Variants in ZRANB2 observed in about 807,000 individuals in gnomAD.
ZRANB2 encodes the protein zinc finger Ran-binding domain-containing protein 2.
ZRANB2 carries 19 observed loss-of-function variants against 53.4 expected under a neutral mutation model. The observed-to-expected ratio is 0.36, with a 90% CI of 0.25 to 0.52. The LOEUF (loss-of-function observed/expected upper bound fraction) is 0.52, where lower values mean the gene tolerates loss of function less well. Ranked by LOEUF, ZRANB2 falls within the 20% of genes least tolerant of loss-of-function variation. The pLI, the probability that ZRANB2 is intolerant of heterozygous loss-of-function variation, is 0.93. For synonymous variants in ZRANB2, 145 were observed against 134.8 expected, an observed-to-expected ratio of 1.08 and a Z score of -0.52; for missense variants, 309 against 401.1, an observed-to-expected ratio of 0.77 and a Z score of 1.96.
intron 8 of ZRANB2, among the ~76,000 whole-genome samples, chr1:71,068,737 T>C (rs147778871): frequency 1.9e-3 from 291 of 152,236 alleles, no homozygotes; most frequent in African/African-American, 6.0e-3. Flanking sequence ...TTCTTCCTTT[T>C]AATAATGAAG....
intron 4 of ZRANB2, among the ~76,000 whole-genome samples, chr1:71,075,113 A>T (rs1661677865): frequency 1.3e-5 from 2 of 152,236 alleles, no homozygotes; most frequent in Non-Finnish European, 2.9e-5. Context: ...TGAAACTGTT[A>T]AAAAGATTTT....
chr1:71,069,191 A>C, intron 8 of ZRANB2, 85 bp downstream of exon 8: 2 of 1,141,034 alleles, frequency 1.8e-6, no homozygotes, highest in Non-Finnish European at 2.5e-6. Context: ...GTAGAAGCAA[A>C]ATAAGGGGAA....
chr1:71,081,002 C>T lies in ZRANB2; in HGVS notation c.-7G>A. On this transcript the variant is annotated 5_prime_UTR_variant, in exon 1 of 10. Coordinates refer to ENST00000370920, the MANE Select transcript of ZRANB2 (RefSeq NM_203350.3). ...GGAAATTCTTGGTCGACATCTTGAA[C>T]GCCACCAGCACAGCCACCCGCAGCT... 1 of 1,614,134 alleles carries T rather than the reference C, an allele frequency of 6.2e-7. No individual in the cohort carries two copies. The highest frequency in any genetic ancestry group is 2.2e-5 in the East Asian group (1 of 44,860).
intron 4 of ZRANB2, 87 bp from the exon 5 acceptor site, chr1:71,072,635 A>C (rs1198741448): frequency 5.1e-6 from 5 of 988,332 alleles, no homozygotes; most frequent in Non-Finnish European, 7.7e-6. Context: ...ACAACAAAAA[A>C]CATCTAATCA....
At chr1:71,065,746 C>T (rs1342168423) in intron 9 of ZRANB2, 3 of 1,612,430 alleles carry the variant, frequency 1.9e-6, no homozygotes, top group Non-Finnish European at 2.5e-6. Context: ...TTTCACCAAT[C>T]ACCTGGCTTA....
chr1:71,072,312 AT>A, intron 5 of ZRANB2, 57 bp from the exon 6 acceptor site: 1 of 1,503,962 alleles, frequency 6.6e-7, no homozygotes, highest in South Asian at 1.3e-5. Context: ...AACTTAATAC[AT>A]TTTCTAAAAA....
chr1:71,078,435 G>A (rs777871837), intron 3 of ZRANB2, 22 bp downstream of exon 3: 1 of 1,591,866 alleles, frequency 6.3e-7, no homozygotes, highest in East Asian at 2.2e-5. Flanking sequence ...AGAAAGAGCA[G>A]ACAATAATTT....
Position 71,065,074 on chromosome 1 carries a change from T to C in ZRANB2, c.993A>G (p.Ter331=), listed in dbSNP as rs1350215476. 1.2e-6 allele frequency: 2 copies of C among 1,604,892 alleles called. No individual in the cohort carries two copies. The highest frequency in any genetic ancestry group is 4.5e-5 in the East Asian group (2 of 44,504). Residue 331 remains the stop codon, a stop_retained_variant, in exon 10 of 10, where the codon TAA becomes TAG. Transcript: ENST00000370920. ...SGSRSSSKKK[*] ...TTTTTAAGATGTAAATTTTAATACA[T>C]TATTTCTTTTTTGAACTTGAACGGG...
intron 7 of ZRANB2, among the ~76,000 whole-genome samples, chr1:71,070,504 T>C (rs1188544672): frequency 6.6e-6 from 1 of 152,168 alleles, no homozygotes; most frequent in African/African-American, 2.4e-5. Flanking sequence ...TCCCCTTTAC[T>C]TAATTTCTAT....
rs1355782174 is a variant in ZRANB2, at chr1:71,072,306, TAATAC to T, written c.379-56_379-52del. On this transcript the variant is annotated intron_variant, in intron 5 of 9. Transcript: ENST00000370920. ...TTGTCAGCTGATAATGCATTAAACT[TAATAC>T]ATTTTCTAAAAAATTATTTTAGATA... is the stretch of plus-strand genomic sequence containing the variant. 2.6e-6 allele frequency: 4 copies of T among 1,516,510 alleles called. No individual in the cohort carries two copies. In the Admixed American group the frequency reaches 8.7e-5, roughly 33 times the overall value. 93.9% of individuals were successfully genotyped at this position (1,516,510 alleles called of 1,614,324 possible). A position where few individuals can be genotyped will look rare whatever the true frequency, so the allele number is the denominator to read the frequency against.
At chr1:71,067,931 C>T (rs1468188135) in intron 8 of ZRANB2, among the ~76,000 whole-genome samples, 1 of 148,062 alleles carries the variant, frequency 6.8e-6, no homozygotes, top group East Asian at 2.0e-4. Context: ...GGCTGTGGTG[C>T]AGTAGCATAA....
chr1:71,065,837 A>G (rs1334039772), intron 9 of ZRANB2: 1 of 1,575,702 alleles, frequency 6.3e-7, no homozygotes, highest in African/African-American at 1.4e-5. Flanking sequence ...AATTTGCAGA[A>G]GTGGTAAGAA....
At chr1:71,077,216 G>C (rs1428007404) in intron 3 of ZRANB2, among the ~76,000 whole-genome samples, 1 of 152,144 alleles carries the variant, frequency 6.6e-6, no homozygotes, top group African/African-American at 2.4e-5. Flanking sequence ...AACTTTTTGA[G>C]AGAGGACATG....
At chr1:71,069,677 G>C (rs908280237) in intron 7 of ZRANB2, 1 of 169,978 alleles carries the variant, frequency 5.9e-6, no homozygotes, top group Non-Finnish European at 1.2e-5. Context: ...ATACATCCAA[G>C]AAAACAGAAT....
intron 3 of ZRANB2, among the ~76,000 whole-genome samples, chr1:71,077,249 G>A (rs912732252): frequency 6.6e-6 from 1 of 152,076 alleles, no homozygotes; most frequent in African/African-American, 2.4e-5. Flanking sequence ...AACGCTCACA[G>A]GAGCATTTCA....
chr1:71,072,990 T>C (rs1217934451), intron 4 of ZRANB2, among the ~76,000 whole-genome samples: 3 of 152,116 alleles, frequency 2.0e-5, no homozygotes, highest in Non-Finnish European at 4.4e-5. Flanking sequence ...CTTTAAAATG[T>C]AGCAGGCCTT....
chr1:71,070,668 G>T (rs1004426505), intron 7 of ZRANB2, among the ~76,000 whole-genome samples, 159 bp downstream of exon 7: 2 of 152,048 alleles, frequency 1.3e-5, no homozygotes, highest in Admixed American at 6.6e-5. Flanking sequence ...GACAACAACT[G>T]TATGGTACTA....
At chr1:71,079,119 G>A (rs1004143586) in intron 1 of ZRANB2, among the ~76,000 whole-genome samples, 1 of 151,864 alleles carries the variant, frequency 6.6e-6, no homozygotes, top group African/African-American at 2.4e-5. Flanking sequence ...AATCAAGGAG[G>A]GCTTCATGGA....
At chr1:71,067,732 G>A (rs1661482329) in intron 8 of ZRANB2, 4 of 415,616 alleles carry the variant, frequency 9.6e-6, no homozygotes, top group Non-Finnish European at 1.9e-5. Flanking sequence ...AAAATGTTTG[G>A]GAAGAATATG....
Sources: allele counts gnomAD v4.1 joint callset (sites outside exome capture counted in the v4.1 genomes callset), GRCh38; gene constraint gnomAD v4.1.1; transcripts MANE v1.5; gene names NCBI Gene and HGNC (gene_info 2026-07-23, HGNC 2026-07-21).